The following SDK1 variants were observed in gnomAD, a reference collection of about 807,000 sequenced individuals.
SDK1 encodes the protein protein sidekick-1.
A neutral mutation model predicts 245.5 loss-of-function variants in SDK1; 157 were observed. The ratio of observed to expected loss-of-function variants is 0.64; its 90% CI spans 0.56 to 0.73. SDK1 has a LOEUF of 0.73. Ranked by LOEUF, SDK1 falls within the 30% of genes least tolerant of loss-of-function variation. The pLI is 0.00. For missense variants in SDK1, 3,583 were observed against 3,002.3 expected (o/e 1.19, Z -4.52); for synonymous variants, 1,647 against 1,278.5 (o/e 1.29, Z -6.15).
At chr7:3,565,368 A>C (rs141944662) in intron 1 of SDK1, among the ~76,000 whole-genome samples, 45 of 152,308 alleles carry the variant, frequency 3.0e-4, no homozygotes, top group African/African-American at 1.0e-3. Context: ...TGAGAGATGC[A>C]CTATAAAGTA....
chr7:3,989,483 C>G (rs1784130762), intron 14 of SDK1, among the ~76,000 whole-genome samples: 1 of 152,140 alleles, frequency 6.6e-6, no homozygotes, highest in South Asian at 2.1e-4. Context: ...GGTCTCCTTC[C>G]CTGAGCCTCC....
At chr7:3,827,754 C>G (rs1302505753) in intron 5 of SDK1, among the ~76,000 whole-genome samples, 2 of 152,140 alleles carry the variant, frequency 1.3e-5, no homozygotes, top group Non-Finnish European at 2.9e-5. Context: ...AATGTGTTAC[C>G]TTCATGCTCT....
chr7:3,770,273 A>G (rs1780372146), intron 4 of SDK1, among the ~76,000 whole-genome samples: 1 of 152,192 alleles, frequency 6.6e-6, no homozygotes, highest in Non-Finnish European at 1.5e-5. Flanking sequence ...AGTCCATACA[A>G]ATGGCTATAC....
intron 19 of SDK1, among the ~76,000 whole-genome samples, chr7:4,053,643 G>T (rs1394870165): frequency 6.6e-6 from 1 of 152,042 alleles, no homozygotes; most frequent in East Asian, 1.9e-4. Flanking sequence ...ACCCTTGGCA[G>T]CCTAGCTTTC....
chr7:3,735,206 C>T (rs1254806970), intron 4 of SDK1, among the ~76,000 whole-genome samples: 2 of 152,100 alleles, frequency 1.3e-5, no homozygotes, highest in African/African-American at 4.8e-5. Flanking sequence ...ATCATCCTAA[C>T]CATTTTATAT....
chr7:3,438,499 A>G (rs138494342), intron 1 of SDK1, among the ~76,000 whole-genome samples: 35 of 152,310 alleles, frequency 2.3e-4, no homozygotes, highest in Middle Eastern at 3.4e-3. Flanking sequence ...CAGTGAGGAC[A>G]GCTGCAGAGA....
At chr7:3,811,248 G>A (rs910570744) in intron 4 of SDK1, among the ~76,000 whole-genome samples, 1 of 152,162 alleles carries the variant, frequency 6.6e-6, no homozygotes, top group African/African-American at 2.4e-5. Flanking sequence ...GCCTGTGGGA[G>A]TAAAATCGGG....
chr7:3,393,285 C>A, intron 1 of SDK1, among the ~76,000 whole-genome samples: 1 of 152,046 alleles, frequency 6.6e-6, no homozygotes, highest in Middle Eastern at 3.4e-3. Flanking sequence ...ATTTTCAGTT[C>A]TTTTGGATGT....
chr7:3,337,502 T>C (rs1198037087), intron 1 of SDK1, among the ~76,000 whole-genome samples: 1 of 151,818 alleles, frequency 6.6e-6, no homozygotes, highest in African/African-American at 2.4e-5. Context: ...CTATAATTTC[T>C]CAAATTTGGT....
intron 4 of SDK1, among the ~76,000 whole-genome samples, chr7:3,796,870 TA>T (rs1402197662): frequency 6.6e-6 from 1 of 152,178 alleles, no homozygotes; most frequent in Non-Finnish European, 1.5e-5. Context: ...TCAAGTATAT[TA>T]CATAAATTTT....
intron 4 of SDK1, among the ~76,000 whole-genome samples, chr7:3,665,763 C>G (rs1434017182): frequency 6.6e-6 from 1 of 152,154 alleles, no homozygotes; most frequent in Non-Finnish European, 1.5e-5. Flanking sequence ...TTTATGCTCC[C>G]CTTGCCCTCC....
rs575959567 is a variant in SDK1 at position 4,194,345 on chromosome 7, T to TAC, written c.5099-11533_5099-11532insCA. On this transcript the variant is annotated intron_variant, in intron 35 of 44. Coordinates refer to ENST00000404826, the MANE Select transcript of SDK1 (RefSeq NM_152744.4). The stretch of plus-strand genomic sequence containing the variant: ...GTATGCACGTATGTGTATACATGTA[T>TAC]AGATATATGTATGCACGTATGTGTA... 4.3e-4 allele frequency among the ~76,000 whole-genome samples: 53 copies of TAC among 122,566 alleles called. 2 individuals carry two copies. Among genetic ancestry groups the TAC allele is most frequent in the African/African-American group, 1.9e-3 (50 of 25,810 alleles). 80.4% of individuals were successfully genotyped at this position (122,566 alleles called of 152,430 possible).
intron 1 of SDK1, among the ~76,000 whole-genome samples, chr7:3,384,732 C>G (rs1562454353): frequency 6.6e-6 from 1 of 152,202 alleles, no homozygotes; most frequent in African/African-American, 2.4e-5. Flanking sequence ...TGCACTTACA[C>G]CTACGTGTAC....
chr7:3,887,329 T>C (rs768876331), intron 5 of SDK1, among the ~76,000 whole-genome samples: 2 of 152,188 alleles, frequency 1.3e-5, no homozygotes, highest in Non-Finnish European at 2.9e-5. Flanking sequence ...CCAAAAAAAA[T>C]GGCCCCAACT....
intron 22 of SDK1, among the ~76,000 whole-genome samples, chr7:4,109,996 C>T (rs1783233037): frequency 6.6e-6 from 1 of 152,136 alleles, no homozygotes; most frequent in African/African-American, 2.4e-5. Flanking sequence ...GCAGGCATCG[C>T]CAGCAGACCC....
At chr7:4,068,054 A>T (rs1780011479) in intron 20 of SDK1, 118 bp downstream of exon 20, 1 of 704,300 alleles carries the variant, frequency 1.4e-6, no homozygotes, top group Admixed American at 2.7e-5. Flanking sequence ...CCTTCTCAAG[A>T]GGAACTGAAA....
intron 12 of SDK1, among the ~76,000 whole-genome samples, chr7:3,972,173 G>A (rs553903949): frequency 1.9e-4 from 28 of 150,148 alleles, no homozygotes; most frequent in Non-Finnish European, 2.7e-4. Flanking sequence ...TCCACCTCCC[G>A]GGTTCACACC....
chr7:3,865,169 A>T (rs1780790954), intron 5 of SDK1, among the ~76,000 whole-genome samples: 1 of 152,112 alleles, frequency 6.6e-6, no homozygotes, highest in African/African-American at 2.4e-5. Flanking sequence ...GATGAGATTC[A>T]TAGGAAGCCC....
chr7:3,616,727 T>C (rs551255261), intron 1 of SDK1, among the ~76,000 whole-genome samples: 9 of 152,178 alleles, frequency 5.9e-5, no homozygotes, highest in Admixed American at 2.0e-4. Context: ...AATGACAAAA[T>C]AACCTATGTA....
Sources: allele counts gnomAD v4.1 joint callset (sites outside exome capture counted in the v4.1 genomes callset), GRCh38; gene constraint gnomAD v4.1.1; transcripts MANE v1.5; gene names NCBI Gene and HGNC (gene_info 2026-07-23, HGNC 2026-07-21).